MARCHF1: variants seen among roughly 807,000 people sequenced by gnomAD.
The protein encoded by MARCHF1 is membrane associated ring-CH-type finger 1, also known as E3 ubiquitin-protein ligase MARCHF1.
MARCHF1 carries 40 observed loss-of-function variants against 54.2 expected under a neutral mutation model. That is an observed-to-expected ratio of 0.74 (90% CI 0.57 to 0.96). The LOEUF is 0.96. Among genes scored for constraint, MARCHF1 ranks in the 40% least tolerant of loss-of-function variants. The pLI is 0.00. For missense variants in MARCHF1, 586 were observed against 656.5 expected, an observed-to-expected ratio of 0.89 and a Z score of 1.17; for synonymous variants, 236 against 236.3, an observed-to-expected ratio of 1.00 and a Z score of 0.01.
chr4:163,740,111 C>T (rs1746153223), intron 4 of MARCHF1, among the ~76,000 whole-genome samples: 1 of 152,066 alleles, frequency 6.6e-6, no homozygotes, highest in Non-Finnish European at 1.5e-5. Context: ...CTTGATTATG[C>T]CAGCTGAGAG....
At chr4:163,629,451 A>T (rs1579129520) in intron 5 of MARCHF1, among the ~76,000 whole-genome samples, 1 of 152,186 alleles carries the variant, frequency 6.6e-6, no homozygotes, top group East Asian at 1.9e-4. Context: ...AACCATAAAA[A>T]CCCTAGAAGA....
intron 1 of MARCHF1, among the ~76,000 whole-genome samples, chr4:164,137,580 CTAA>C (rs1373536043): frequency 6.6e-6 from 1 of 151,942 alleles, no homozygotes; most frequent in Non-Finnish European, 1.5e-5. Flanking sequence ...GGGTTAACAT[CTAA>C]TAATAAAAGC....
intron 8 of MARCHF1, among the ~76,000 whole-genome samples, chr4:163,580,808 T>TGTCTCAGC (rs1431526798): frequency 1.3e-4 from 15 of 116,682 alleles, no homozygotes; most frequent in South Asian, 2.9e-4. Flanking sequence ...GTTTTTTTTT[T>TGTCTCAGC]TTTTTGAGAC....
chr4:163,792,282 T>G (rs532197657), intron 4 of MARCHF1, among the ~76,000 whole-genome samples: 70 of 152,308 alleles, frequency 4.6e-4, no homozygotes, highest in Admixed American at 1.3e-3. Flanking sequence ...ATAAAGGAAG[T>G]AAGAGCTACT....
At chr4:164,312,452 A>G (rs1579711665) in intron 1 of MARCHF1, among the ~76,000 whole-genome samples, 1 of 150,118 alleles carries the variant, frequency 6.7e-6, no homozygotes, top group Middle Eastern at 3.6e-3. Context: ...CCTCCCGAGT[A>G]GCTGGGACTA....
At chr4:163,903,281 C>G (rs913357250) in intron 3 of MARCHF1, among the ~76,000 whole-genome samples, 1 of 152,048 alleles carries the variant, frequency 6.6e-6, no homozygotes, top group African/African-American at 2.4e-5. Flanking sequence ...TATGTATACA[C>G]TGGCTGTGCT....
chr4:163,702,905 AAAAGTT>A (rs1275638463), intron 4 of MARCHF1, among the ~76,000 whole-genome samples: 1 of 152,030 alleles, frequency 6.6e-6, no homozygotes, highest in Non-Finnish European at 1.5e-5. Flanking sequence ...AGTGCATCAG[AAAAGTT>A]AACACGTGGT....
intron 3 of MARCHF1, among the ~76,000 whole-genome samples, chr4:163,923,575 T>C (rs1751476114): frequency 6.6e-6 from 1 of 152,094 alleles, no homozygotes; most frequent in African/African-American, 2.4e-5. Context: ...TACTATCTTA[T>C]ATGCTATCTC....
At chr4:163,637,143 C>T (rs1051368853) in intron 5 of MARCHF1, among the ~76,000 whole-genome samples, 2 of 151,790 alleles carry the variant, frequency 1.3e-5, no homozygotes, top group Non-Finnish European at 2.9e-5. Context: ...CATAAAAACC[C>T]TAGAAGAAAA....
intron 1 of MARCHF1, among the ~76,000 whole-genome samples, chr4:164,202,657 T>C (rs1731485619): frequency 6.6e-6 from 1 of 152,192 alleles, no homozygotes; most frequent in East Asian, 1.9e-4. Flanking sequence ...CAAATTTGAT[T>C]TGATTAAAGT....
intron 3 of MARCHF1, among the ~76,000 whole-genome samples, chr4:163,859,392 T>C (rs1579346414): frequency 7.3e-6 from 1 of 136,882 alleles, no homozygotes; most frequent in South Asian, 2.3e-4. Context: ...TGAAATGGAG[T>C]TCTCGTTCCC....
At chr4:164,157,665 T>G (rs747717143) in intron 1 of MARCHF1, among the ~76,000 whole-genome samples, 1 of 152,104 alleles carries the variant, frequency 6.6e-6, no homozygotes, top group African/African-American at 2.4e-5. Context: ...TCTGTGCAAG[T>G]CCAGTCTCTG....
In MARCHF1 at chr4:164,098,215, T is replaced by A. The variant is rs531702845; in HGVS notation, c.-248+13373A>T. The stretch of plus-strand genomic sequence containing the variant: ...ATAATCATAAGGCCATGACATTAGC[T>A]AATGTTTATTCTAGGTTTATTCTAA... On this transcript the variant is annotated intron_variant, in intron 2 of 9. Transcript: ENST00000514618. Among the ~76,000 whole-genome samples, 7 of 152,316 alleles carry A rather than the reference T, an allele frequency of 4.6e-5. No homozygotes were observed. In the East Asian group the frequency reaches 1.4e-3, roughly 29 times the overall value.
chr4:163,570,406 G>T (rs1272548537), intron 8 of MARCHF1, among the ~76,000 whole-genome samples: 1 of 151,946 alleles, frequency 6.6e-6, no homozygotes, highest in African/African-American at 2.4e-5. Context: ...ACCCCCAAAA[G>T]TTGAAAAACT....
chr4:164,306,454 A>T (rs1294843539), intron 1 of MARCHF1, among the ~76,000 whole-genome samples: 1 of 152,158 alleles, frequency 6.6e-6, no homozygotes, highest in African/African-American at 2.4e-5. Flanking sequence ...TTGCCATATC[A>T]TAATCATCAA....
At chr4:164,260,097 A>C (rs1008876209) in intron 1 of MARCHF1, among the ~76,000 whole-genome samples, 1 of 152,146 alleles carries the variant, frequency 6.6e-6, no homozygotes, top group African/African-American at 2.4e-5. Flanking sequence ...GTGGAGATAA[A>C]TAATTTTCTT....
At chr4:164,054,125 A>C (rs6824071) in intron 2 of MARCHF1, among the ~76,000 whole-genome samples, 1 of 147,492 alleles carries the variant, frequency 6.8e-6, no homozygotes, top group Admixed American at 6.8e-5. Flanking sequence ...GACATGAACA[A>C]ACACTTCTCA....
intron 1 of MARCHF1, among the ~76,000 whole-genome samples, chr4:164,275,469 TA>T (rs1250122181): frequency 6.6e-6 from 1 of 152,212 alleles, no homozygotes; most frequent in Non-Finnish European, 1.5e-5. Context: ...GGGGAAAGGT[TA>T]AAAACCCCTC....
At chr4:163,851,003 C>T (rs1246579533) in intron 4 of MARCHF1, among the ~76,000 whole-genome samples, 11 of 152,016 alleles carry the variant, frequency 7.2e-5, no homozygotes, top group Non-Finnish European at 1.3e-4. Context: ...TGAAAAGTTC[C>T]ATTTGTGTAA....
Sources: allele counts gnomAD v4.1 joint callset (sites outside exome capture counted in the v4.1 genomes callset), GRCh38; gene constraint gnomAD v4.1.1; transcripts MANE v1.5; gene names NCBI Gene and HGNC (gene_info 2026-07-23, HGNC 2026-07-21).